AKAP6: variants seen among roughly 807,000 people sequenced by gnomAD.
AKAP6 encodes the protein A-kinase anchor protein 6.
AKAP6 carries 58 observed loss-of-function variants against 188.5 expected under a neutral mutation model. The observed-to-expected ratio is 0.31, with a 90% CI of 0.25 to 0.38. The LOEUF is 0.38. AKAP6 is among the 10% of genes least tolerant of loss of function. The probability of loss-of-function intolerance (pLI) is 1.00; values close to 1 mark genes in which losing one functional copy is unlikely to be tolerated. For missense variants in AKAP6, 2,710 were observed against 2,740.0 expected (o/e 0.99, Z 0.24); for synonymous variants, 989 against 998.6 (o/e 0.99, Z 0.18).
chr14:32,526,443 G>A (rs548709865), intron 2 of AKAP6, among the ~76,000 whole-genome samples: 18 of 152,164 alleles, frequency 1.2e-4, no homozygotes, highest in Admixed American at 7.8e-4. Context: ...ACATTGCCCC[G>A]GCTGGTCTCA....
intron 2 of AKAP6, among the ~76,000 whole-genome samples, chr14:32,530,607 AT>A: frequency 6.6e-6 from 1 of 152,290 alleles, no homozygotes; most frequent in East Asian, 1.9e-4. Context: ...TGGCCTCATG[AT>A]GAGGCAGCAA....
chr14:32,440,336 G>A (rs956052721), intron 2 of AKAP6, among the ~76,000 whole-genome samples: 1 of 151,802 alleles, frequency 6.6e-6, no homozygotes, highest in Non-Finnish European at 1.5e-5. Context: ...GTCATGGGGT[G>A]GGGGGAGTGG....
intron 7 of AKAP6, among the ~76,000 whole-genome samples, chr14:32,671,672 T>G (rs1462535892): frequency 6.6e-6 from 1 of 151,958 alleles, no homozygotes; most frequent in Non-Finnish European, 1.5e-5. Flanking sequence ...CTTAGAAATA[T>G]GGACAGCTTC....
intron 9 of AKAP6, among the ~76,000 whole-genome samples, chr14:32,707,166 A>G (rs143391438): frequency 0.012 from 1,814 of 148,770 alleles, 30 homozygotes; most frequent in African/African-American, 0.042. Flanking sequence ...ATACACGTAT[A>G]CAAAGTATTA....
intron 1 of AKAP6, among the ~76,000 whole-genome samples, chr14:32,386,254 C>A (rs1184274465): frequency 6.6e-6 from 1 of 152,038 alleles, no homozygotes; most frequent in Non-Finnish European, 1.5e-5. Context: ...TTCACCACAT[C>A]CATGCCAACA....
chr14:32,363,624 A>G (rs1294969636), intron 1 of AKAP6, among the ~76,000 whole-genome samples: 1 of 152,220 alleles, frequency 6.6e-6, no homozygotes, highest in Non-Finnish European at 1.5e-5. Flanking sequence ...GATGAAGGCC[A>G]GAAGACTCAG....
intron 2 of AKAP6, among the ~76,000 whole-genome samples, chr14:32,510,460 GTGTATATATATATA>G (rs1881186989): frequency 6.4e-5 from 3 of 46,964 alleles, no homozygotes; most frequent in Non-Finnish European, 1.3e-4. Context: ...ACATATATAT[GTGTATATATATATA>G]TACATATATA....
chr14:32,708,041 A>G (rs944571274), intron 9 of AKAP6, among the ~76,000 whole-genome samples: 10 of 152,204 alleles, frequency 6.6e-5, no homozygotes, highest in African/African-American at 2.2e-4. Flanking sequence ...CTCTCAAACC[A>G]TAGTATTCTC....
At chr14:32,534,766 G>A (rs1255476874) in intron 2 of AKAP6, among the ~76,000 whole-genome samples, 3 of 152,010 alleles carry the variant, frequency 2.0e-5, no homozygotes, top group South Asian at 2.1e-4. Flanking sequence ...AGGAGTTCAA[G>A]ACCAGCCTGG....
At chr14:32,549,994 G>A (rs1883381773) in intron 4 of AKAP6, among the ~76,000 whole-genome samples, 1 of 152,188 alleles carries the variant, frequency 6.6e-6, no homozygotes, top group African/African-American at 2.4e-5. Flanking sequence ...GGAGGGGAGT[G>A]TTGAAAAAGT....
In AKAP6 at chr14:32,822,983, C is replaced by T. The variant is rs144252079; in HGVS notation, c.5170C>T (p.Arg1724Cys). The T allele has an allele frequency of 3.7e-5, 60 of 1,613,752 alleles. No homozygotes were observed. The African/African-American group carries it at 6.8e-4, about 18-fold the overall frequency. ...SNASFRKRLT[R>C]SVADESDVNV... Reference sequence around the variant, plus strand: ...TGCATCGTTCAGGAAGCGTCTGACTCGTTCAGTGGCTGATGAAAGCGATGT... The same window carrying T: ...TGCATCGTTCAGGAAGCGTCTGACTTGTTCAGTGGCTGATGAAAGCGATGT... The change falls in exon 13 of 14, where the codon CGT becomes TGT. Residue 1724 changes from arginine (R) to cysteine (C), a missense_variant. By Grantham distance (180) the Arg-to-Cys change is radical. Transcript: ENST00000280979.
intron 1 of AKAP6, among the ~76,000 whole-genome samples, chr14:32,337,962 T>A (rs1886766977): frequency 6.6e-6 from 1 of 151,998 alleles, no homozygotes; most frequent in African/African-American, 2.4e-5. Flanking sequence ...CCAGGCTACA[T>A]TGAGCCATGA....
At chr14:32,531,464 T>A (rs1185415957) in intron 2 of AKAP6, among the ~76,000 whole-genome samples, 2 of 152,218 alleles carry the variant, frequency 1.3e-5, no homozygotes, top group Non-Finnish European at 2.9e-5. Context: ...TATGTGTATT[T>A]TACTGAGACT....
intron 7 of AKAP6, among the ~76,000 whole-genome samples, chr14:32,652,992 G>A (rs190212569): frequency 6.6e-6 from 1 of 152,256 alleles, no homozygotes; most frequent in Admixed American, 6.5e-5. Flanking sequence ...GGTCAAGGCT[G>A]CAGTGAACTG....
intron 1 of AKAP6, among the ~76,000 whole-genome samples, chr14:32,346,061 C>T (rs1157716272): frequency 6.6e-6 from 1 of 152,096 alleles, no homozygotes; most frequent in African/African-American, 2.4e-5. Flanking sequence ...TTTCATCACA[C>T]CCCAAAGGTT....
rs940821293 is a variant in AKAP6 at position 32,836,008 on chromosome 14, C to G, written c.*6203C>G. On this transcript the variant is annotated 3_prime_UTR_variant, in exon 14 of 14. Coordinates refer to ENST00000280979, the MANE Select transcript of AKAP6 (RefSeq NM_004274.5). ...TTTTGGCCAATGCCGTAAGACCATT[C>G]TGGCCCTTGATTAATGGGTTCTCAC... 4 of 152,234 alleles carry G rather than the reference C, an allele frequency of 2.6e-5. No homozygotes were observed. Among genetic ancestry groups the G allele is most frequent in the African/African-American group, 9.6e-5 (4 of 41,464 alleles). 9.4% of individuals were successfully genotyped at this position (152,234 alleles called of 1,614,324 possible).
At chr14:32,757,250 T>C (rs927330270) in intron 11 of AKAP6, among the ~76,000 whole-genome samples, 1 of 152,226 alleles carries the variant, frequency 6.6e-6, no homozygotes, top group Non-Finnish European at 1.5e-5. Flanking sequence ...TATGTTTGTG[T>C]ATGAATAGTT....
In AKAP6 at chr14:32,823,253, A is replaced by G; in HGVS notation, c.5440A>G (p.Arg1814Gly). 1 of 1,613,708 alleles carries G rather than the reference A, an allele frequency of 6.2e-7. No individual in the cohort carries two copies. Among genetic ancestry groups the G allele is most frequent in the East Asian group, 2.2e-5 (1 of 44,862 alleles). Residue 1814 changes from arginine to glycine, a missense_variant, in exon 13 of 14, where the codon AGA (arginine) becomes GGA (glycine). By Grantham distance (125) the Arg-to-Gly change is moderately radical. This residue lies in a region of AKAP6 where 2,473 missense variants were observed against 2,426.1 expected (regional missense o/e 1.02). Coordinates refer to ENST00000280979, the MANE Select transcript of AKAP6 (RefSeq NM_004274.5). ...TWIRPKLSLT[R>G]DKKRCNVSDE... ...GATTAGGCCAAAATTGTCTTTGACA[A>G]GAGATAAGAAAAGGTGCAATGTCAG...
chr14:32,447,575 T>G (rs1890797582), intron 2 of AKAP6, among the ~76,000 whole-genome samples: 1 of 152,234 alleles, frequency 6.6e-6, no homozygotes, highest in Non-Finnish European at 1.5e-5. Flanking sequence ...AAGAATGAGA[T>G]GTTGGGTAAC....
Sources: gnomAD v4.1 joint callset for allele counts (sites outside exome capture counted in the v4.1 genomes callset) on GRCh38, gnomAD v4.1.1 for gene constraint, gnomAD v4.1.1 regional missense constraint, MANE v1.5 for transcripts, NCBI Gene and HGNC (gene_info 2026-07-23, HGNC 2026-07-21) for gene names.